TJP1: variants seen among roughly 807,000 people sequenced by gnomAD.
The protein encoded by TJP1 is tight junction protein 1.
A neutral mutation model predicts 194.2 loss-of-function variants in TJP1; 43 were observed. That is an observed-to-expected ratio of 0.22 (90% CI 0.17 to 0.29). The LOEUF (loss-of-function observed/expected upper bound fraction) is 0.29, where lower values mean the gene tolerates loss of function less well. TJP1 is among the 10% of genes least tolerant of loss of function. The pLI is 1.00. For missense variants in TJP1, 1,971 were observed against 2,185.7 expected, an observed-to-expected ratio of 0.90 and a Z score of 1.96; for synonymous variants, 801 against 779.0, an observed-to-expected ratio of 1.03 and a Z score of -0.47.
intron 2 of TJP1, among the ~76,000 whole-genome samples, chr15:29,932,858 G>A (rs2054764418): frequency 1.3e-5 from 2 of 152,032 alleles, no homozygotes; most frequent in South Asian, 4.2e-4. Flanking sequence ...TTTCCTTATT[G>A]TAATTTCTAA....
rs967007040 is a variant in TJP1, at chr15:29,830,334, TATA to T, written c.307-29635_307-29633del. ...AATAATATTATTTATATGATAAATGTATAATAATTATATATAATGTATTGTCTA... is the reference window on the plus strand; with the variant it reads ...AATAATATTATTTATATGATAAATGTATAATTATATATAATGTATTGTCTA... On this transcript the variant is annotated intron_variant, in intron 2 of 28. Coordinates refer to the TJP1 transcript ENST00000356107. Among the ~76,000 whole-genome samples the T allele has an allele frequency of 2.7e-4, 41 of 149,674 alleles. 1 individual carries two copies. The highest frequency in any genetic ancestry group is 8.5e-4 in the African/African-American group (35 of 41,180).
At chr15:29,771,472 T>G (rs1425650263) in intron 4 of TJP1, among the ~76,000 whole-genome samples, 1 of 152,112 alleles carries the variant, frequency 6.6e-6, no homozygotes, top group African/African-American at 2.4e-5. Context: ...AGCATGTGAC[T>G]GTAGAGGAGG....
At chr15:29,845,030 A>C (rs972559260) in intron 2 of TJP1, among the ~76,000 whole-genome samples, 4 of 152,200 alleles carry the variant, frequency 2.6e-5, no homozygotes, top group Non-Finnish European at 5.9e-5. Context: ...AAAGGAACTG[A>C]TTGACCGTGA....
At chr15:29,904,877 C>T (rs1365279928) in intron 2 of TJP1, among the ~76,000 whole-genome samples, 1 of 152,056 alleles carries the variant, frequency 6.6e-6, no homozygotes, top group African/African-American at 2.4e-5. Flanking sequence ...GGGAAGAAAG[C>T]CAGGTGAAGA....
At chr15:29,955,189 C>T (rs1023452958) in intron 2 of TJP1, among the ~76,000 whole-genome samples, 1 of 152,098 alleles carries the variant, frequency 6.6e-6, no homozygotes, top group Non-Finnish European at 1.5e-5. Flanking sequence ...ACTTTGATGT[C>T]ATTTTTTGAA....
intron 1 of TJP1, chr15:29,968,164 T>G: frequency 1.0e-6 from 1 of 985,394 alleles, no homozygotes; most frequent in African/African-American, 1.7e-5. Flanking sequence ...TCCCTGACAA[T>G]GCAATAATAA....
chr15:29,928,786 A>T (rs34866689), intron 2 of TJP1, among the ~76,000 whole-genome samples: 24,338 of 152,080 alleles, frequency 0.16, 2,244 homozygotes, highest in East Asian at 0.34. Context: ...TACTAAAAAT[A>T]CAAAAATTAG....
In TJP1 at chr15:29,738,865, T is replaced by TAAAA. The variant is rs71103406; in HGVS notation, c.1257-1455_1257-1452dup. The stretch of plus-strand genomic sequence containing the variant: ...CAACACAGCAAGACCCTGTCACTAC[T>TAAAA]AAAAAAAAAAAAAAAAAAAAAAAAA... On this transcript the variant is annotated intron_variant, in intron 10 of 27. Coordinates refer to ENST00000614355, the MANE Select transcript of TJP1 (RefSeq NM_001330239.4). 9.1e-3 allele frequency among the ~76,000 whole-genome samples: 444 copies of TAAAA among 48,828 alleles called. 39 individuals are homozygous for TAAAA. The highest frequency in any genetic ancestry group is 0.034 in the African/African-American group (363 of 10,640). The allele number at this position is 48,828 out of a possible 152,430, so 32.0% of individuals were successfully genotyped here.
At chr15:29,776,328 C>T (rs572597776) in intron 2 of TJP1, among the ~76,000 whole-genome samples, 31 of 152,286 alleles carry the variant, frequency 2.0e-4, no homozygotes, top group Middle Eastern at 6.8e-3. Flanking sequence ...ATTTGACTTT[C>T]ACCGCTGAAG....
At position 29,913,924 on chromosome 15, in the gene TJP1, C is replaced by T. The variant is rs79070781; in HGVS notation, c.306+42308G>A. ...ATAAGATGTACTACAGAGGACCGTA[C>T]TTGCATATGAAAATAAAAAGCAGAT... On this transcript the variant is annotated intron_variant, in intron 2 of 28. Coordinates refer to the TJP1 transcript ENST00000356107. 3.4e-3 allele frequency among the ~76,000 whole-genome samples: 525 copies of T among 152,300 alleles called. 7 individuals carry two copies. Among genetic ancestry groups the T allele is most frequent in the African/African-American group, 0.012 (505 of 41,574 alleles).
chr15:29,833,054 T>C (rs1301365742), intron 2 of TJP1, among the ~76,000 whole-genome samples: 4 of 152,164 alleles, frequency 2.6e-5, no homozygotes, highest in Non-Finnish European at 4.4e-5. Context: ...AAATCATGTT[T>C]CCTCCTTGCC....
chr15:29,862,205 A>T (rs906723569), intron 2 of TJP1, among the ~76,000 whole-genome samples: 10 of 152,204 alleles, frequency 6.6e-5, no homozygotes, highest in African/African-American at 2.2e-4. Context: ...AATAAAAGAA[A>T]ATACATCTGA....
At chr15:29,924,224 G>A (rs1191674376) in intron 2 of TJP1, among the ~76,000 whole-genome samples, 2 of 152,140 alleles carry the variant, frequency 1.3e-5, no homozygotes, top group African/African-American at 2.4e-5. Flanking sequence ...ACAGGCACAC[G>A]CCACCACACC....
At chr15:29,920,913 G>A (rs1054185108) in intron 2 of TJP1, among the ~76,000 whole-genome samples, 10 of 152,170 alleles carry the variant, frequency 6.6e-5, no homozygotes, top group African/African-American at 2.4e-4. Context: ...GCATTCCTGC[G>A]TGAGGGAAAC....
At chr15:29,731,936 TTA>T (rs1440227508) in intron 15 of TJP1, among the ~76,000 whole-genome samples, 1 of 152,178 alleles carries the variant, frequency 6.6e-6, no homozygotes. Flanking sequence ...GCTGATAATA[TTA>T]GCAATGTTTT....
intron 2 of TJP1, among the ~76,000 whole-genome samples, chr15:29,833,857 GTATATATATATATATA>G (rs71416436): frequency 3.9e-5 from 1 of 25,836 alleles, no homozygotes; most frequent in African/African-American, 1.3e-4. Context: ...ATTTTTGTAA[GTATATATATATATATA>G]TATATATATT....
rs1189034962 is a variant in TJP1 at position 29,937,197 on chromosome 15, A to C, written c.306+19035T>G. Among the ~76,000 whole-genome samples, 4 of 152,344 alleles carry C rather than the reference A, an allele frequency of 2.6e-5. No individual in the cohort carries two copies. In the East Asian group the frequency reaches 7.7e-4, roughly 29 times the overall value. ...AGATCTCTGTTTAAGAGTCCCACCT[A>C]TGGTATTTGTAAAACCATTCAATCA... On this transcript the variant is annotated intron_variant, in intron 2 of 28. Coordinates refer to the TJP1 transcript ENST00000356107.
chr15:29,879,417 C>CAG (rs1036824436), intron 2 of TJP1, among the ~76,000 whole-genome samples: 1 of 152,196 alleles, frequency 6.6e-6, no homozygotes, highest in African/African-American at 2.4e-5. Flanking sequence ...GCTTGCTGCC[C>CAG]AGAAGCCTCC....
At chr15:29,843,381 G>A (rs1014046317) in intron 2 of TJP1, among the ~76,000 whole-genome samples, 1 of 151,986 alleles carries the variant, frequency 6.6e-6, no homozygotes, top group African/African-American at 2.4e-5. Context: ...TAGAGACGGG[G>A]TTTCTCTATG....
Sources: gnomAD v4.1 joint callset for allele counts (sites outside exome capture counted in the v4.1 genomes callset) on GRCh38, gnomAD v4.1.1 for gene constraint, MANE v1.5 for transcripts, NCBI Gene and HGNC (gene_info 2026-07-23, HGNC 2026-07-21) for gene names.